The following GATA3 variants were observed in gnomAD, a reference collection of about 807,000 sequenced individuals.
GATA3 encodes the protein trans-acting T-cell-specific transcription factor GATA-3.
In GATA3, 6 loss-of-function variants were observed where a neutral mutation model predicts 36.0. That is an observed-to-expected ratio of 0.17 (90% CI 0.09 to 0.33). The LOEUF is 0.33. GATA3 is among the 10% of genes least tolerant of loss of function. The probability of loss-of-function intolerance (pLI) is 1.00; values close to 1 mark genes in which losing one functional copy is unlikely to be tolerated. For synonymous variants in GATA3, 326 were observed against 273.0 expected (o/e 1.19, Z -1.92); for missense variants, 514 against 610.1 (o/e 0.84, Z 1.66).
Position 8,062,361 on chromosome 10 carries a change from A to AT in GATA3, c.779-1616dup, listed in dbSNP as rs55716625. Among the ~76,000 whole-genome samples the AT allele has an allele frequency of 2.4e-3, 349 of 142,852 alleles. 3 individuals are homozygous for AT. The highest frequency in any genetic ancestry group is 0.015 in the Middle Eastern group (4 of 264). 93.7% of individuals were successfully genotyped at this position (142,852 alleles called of 152,430 possible). On this transcript the variant is annotated intron_variant, in intron 3 of 5. Transcript: ENST00000379328. ...AAAAAAAAACCTCTCTTACATCCTCATTTTTTTTTTTTTTTTAAAAAACAA... is the reference window on the plus strand; with the variant it reads ...AAAAAAAAACCTCTCTTACATCCTCATTTTTTTTTTTTTTTTTAAAAAACAA...
intron 2 of GATA3, among the ~76,000 whole-genome samples, chr10:8,056,107 G>A (rs1832632366): frequency 6.6e-6 from 1 of 152,182 alleles, no homozygotes; most frequent in African/African-American, 2.4e-5. Context: ...CGCAGCAGGC[G>A]CCTCTCCCGG....
chr10:8,069,652 A>G (rs1832900226), intron 5 of GATA3, 54 bp downstream of exon 5: 1 of 1,602,374 alleles, frequency 6.2e-7, no homozygotes, highest in Non-Finnish European at 8.5e-7. Flanking sequence ...GGTGACCAGC[A>G]AACAGCGTCA....
intron 3 of GATA3, among the ~76,000 whole-genome samples, chr10:8,062,034 G>T (rs566260433): frequency 0.011 from 1,607 of 152,308 alleles, 13 homozygotes; most frequent in East Asian, 0.017. Flanking sequence ...GACACAAAAA[G>T]GCAGGCCTGC....
intron 3 of GATA3, 22 bp downstream of exon 3, chr10:8,058,863 G>C: frequency 6.3e-7 from 1 of 1,598,586 alleles, no homozygotes; most frequent in Non-Finnish European, 8.5e-7. Flanking sequence ...CTCTTCCCTG[G>C]AGCCTTTTCT....
Position 8,074,070 on chromosome 10 carries a change from C to A in GATA3, c.*47C>A, listed in dbSNP as rs2131523735. 1 of 1,596,898 alleles carries A rather than the reference C, an allele frequency of 6.3e-7. No individual in the cohort carries two copies. The highest frequency in any genetic ancestry group is 8.6e-7 in the Non-Finnish European group (1 of 1,169,290). On this transcript the variant is annotated 3_prime_UTR_variant, in exon 6 of 6. Transcript: ENST00000379328. ...GGCCCCCAGCGAGAGTCCCTGCAGT[C>A]CCTTTCGACTTGCATTTTTGCAGGA...
At position 8,055,606 on chromosome 10, in the gene GATA3, C is replaced by T; in HGVS notation, c.-50C>T. ...CTCCCAGGCGGACCGCCCTCCCTCCCCGCGCGCGGGTTCCGGGCCCGGCGA... is the reference window on the plus strand; with the variant it reads ...CTCCCAGGCGGACCGCCCTCCCTCCTCGCGCGCGGGTTCCGGGCCCGGCGA... On this transcript the variant is annotated 5_prime_UTR_variant, in exon 2 of 6. Transcript: ENST00000379328. This position sits in a 1 kb window ranked among gnomAD's most constrained non-coding sequence, Gnocchi z 5.4. 3 of 1,535,694 alleles carry T rather than the reference C, an allele frequency of 2.0e-6. No individual in the cohort carries two copies. The highest frequency in any genetic ancestry group is 2.6e-6 in the Non-Finnish European group (3 of 1,144,614).
chr10:8,060,872 T>C (rs1832736287), intron 3 of GATA3, among the ~76,000 whole-genome samples: 1 of 152,058 alleles, frequency 6.6e-6, no homozygotes, highest in Non-Finnish European at 1.5e-5. Flanking sequence ...CCATTTCAAT[T>C]TGGCCTTTTT....
upstream of GATA3, chr10:8,051,543 C>G (rs1359466303): frequency 6.4e-6 from 1 of 156,122 alleles, no homozygotes; most frequent in Non-Finnish European, 1.4e-5. Context: ...CTGGTCGCCT[C>G]CTCGCTTTCC....
At chr10:8,065,700 GTTTTTTTTTTTT>G (rs748515966) in intron 4 of GATA3, among the ~76,000 whole-genome samples, 5 of 62,284 alleles carry the variant, frequency 8.0e-5, no homozygotes, top group Admixed American at 2.4e-4. Context: ...CAGCAGTTTG[GTTTTTTTTTTTT>G]TTTTTTTTTT....
intron 1 of GATA3, among the ~76,000 whole-genome samples, chr10:8,046,759 C>T (rs1832393515): frequency 6.6e-6 from 1 of 151,786 alleles, no homozygotes; most frequent in Non-Finnish European, 1.5e-5. Flanking sequence ...CATTTGAACC[C>T]AGTCGGGGCG....
chr10:8,059,613 C>A (rs1314069288), intron 3 of GATA3, among the ~76,000 whole-genome samples: 1 of 152,218 alleles, frequency 6.6e-6, no homozygotes, highest in African/African-American at 2.4e-5. Context: ...CGGAAAAGTG[C>A]TCCAGGTGTG....
Position 8,055,715 on chromosome 10 carries a change from C to A in GATA3, c.60C>A (p.Asn20Lys), listed in dbSNP as rs1208325486. 1 of 1,567,164 alleles carries A rather than the reference C, an allele frequency of 6.4e-7. No homozygotes were observed. Among genetic ancestry groups the A allele is most frequent in the Admixed American group, 1.9e-5 (1 of 53,434 alleles). ...WVSHHHPAVL[N>K]GQHPDTHHPG... ...GCCACCACCACCCCGCCGTGCTCAACGGGCAGCACCCGGACACGCACCACC... is the reference window on the plus strand; with the variant it reads ...GCCACCACCACCCCGCCGTGCTCAAAGGGCAGCACCCGGACACGCACCACC... Residue 20 changes from asparagine to lysine, a missense_variant, in exon 2 of 6, where the codon AAC (asparagine) becomes AAA (lysine). By Grantham distance (94) the Asn-to-Lys change is moderately conservative. Transcript: ENST00000379328. This position sits in a 1 kb window ranked among gnomAD's most constrained non-coding sequence, Gnocchi z 5.4.
upstream of GATA3, among the ~76,000 whole-genome samples, chr10:8,050,182 C>G (rs1431612531): frequency 6.6e-6 from 1 of 152,260 alleles, no homozygotes; most frequent in Admixed American, 6.5e-5. Flanking sequence ...CCAGAGCGCC[C>G]CGGTGCGTAC....
chr10:8,047,513 A>T (rs1259293259), intron 1 of GATA3, among the ~76,000 whole-genome samples: 1 of 152,168 alleles, frequency 6.6e-6, no homozygotes, highest in Non-Finnish European at 1.5e-5. Context: ...TTTTTACTTA[A>T]CGGTTGGAAT....
chr10:8,058,906 C>G (rs11567902), intron 3 of GATA3, 65 bp downstream of exon 3: 33 of 1,509,204 alleles, frequency 2.2e-5, no homozygotes, highest in African/African-American at 2.7e-5. Context: ...AATCCAGGGC[C>G]GCACCCAGAG....
upstream of GATA3, chr10:8,050,851 G>C (rs1387524176): frequency 2.4e-6 from 1 of 410,468 alleles, no homozygotes; most frequent in Non-Finnish European, 4.9e-6. Context: ...CCCCCTCCGC[G>C]GGATTAGTAA....
intron 5 of GATA3, among the ~76,000 whole-genome samples, chr10:8,070,495 G>GCT (rs1481323197): frequency 1.3e-5 from 2 of 150,712 alleles, no homozygotes; most frequent in Non-Finnish European, 2.9e-5. Flanking sequence ...TCTCTGTGTT[G>GCT]CTCTCTCTCT....
chr10:8,072,666 C>T (rs2131517285), intron 5 of GATA3, among the ~76,000 whole-genome samples: 1 of 152,334 alleles, frequency 6.6e-6, no homozygotes, highest in East Asian at 1.9e-4. Flanking sequence ...TGTCTCTTTA[C>T]TCTAGCACAT....
chr10:8,046,770 T>C (rs1296699937), intron 1 of GATA3, among the ~76,000 whole-genome samples: 2 of 151,340 alleles, frequency 1.3e-5, no homozygotes, highest in Non-Finnish European at 2.9e-5. Flanking sequence ...AGTCGGGGCG[T>C]GGTGTCAGTT....
Sources: gnomAD v4.1 joint callset for allele counts (sites outside exome capture counted in the v4.1 genomes callset) on GRCh38, gnomAD v4.1.1 for gene constraint, Gnocchi (gnomAD v3.1) non-coding constraint, MANE v1.5 for transcripts, NCBI Gene and HGNC (gene_info 2026-07-23, HGNC 2026-07-21) for gene names.